Variants in TTC23 observed in about 807,000 individuals in gnomAD.
The protein encoded by TTC23 is tetratricopeptide repeat protein 23.
A neutral mutation model predicts 55.1 loss-of-function variants in TTC23; 58 were observed. The observed-to-expected ratio is 1.05, with a 90% CI of 0.85 to 1.31. The LOEUF (loss-of-function observed/expected upper bound fraction) is 1.31, where lower values mean the gene tolerates loss of function less well. TTC23 is among the 50% of genes most tolerant of loss of function. TTC23 has a pLI of 0.00. For synonymous variants in TTC23, 203 were observed against 199.9 expected, an observed-to-expected ratio of 1.02 and a Z score of -0.13; for missense variants, 516 against 534.4, an observed-to-expected ratio of 0.97 and a Z score of 0.34.
chr15:99,231,487 G>A (rs2078928947), intron 4 of TTC23, among the ~76,000 whole-genome samples: 1 of 152,056 alleles, frequency 6.6e-6, no homozygotes, highest in South Asian at 2.1e-4. Context: ...GTGTGTGTTT[G>A]TGTCTTAATT....
chr15:99,143,482 A>G (rs1159463767), intron 12 of TTC23, among the ~76,000 whole-genome samples: 1 of 152,230 alleles, frequency 6.6e-6, no homozygotes, highest in African/African-American at 2.4e-5. Flanking sequence ...ATTCTCCACC[A>G]TAAATAAAGA....
chr15:99,167,741 C>T (rs573148645), intron 10 of TTC23, among the ~76,000 whole-genome samples: 2 of 152,298 alleles, frequency 1.3e-5, no homozygotes, highest in South Asian at 2.1e-4. Context: ...AGTAACCCTG[C>T]GTTCATTTTC....
rs540730187 is a variant in TTC23, at chr15:99,245,391, G to C, written c.-311C>G. The C allele has an allele frequency of 2.0e-5, 3 of 152,332 alleles. No homozygotes were observed. Among genetic ancestry groups the C allele is most frequent in the Non-Finnish European group, 2.9e-5 (2 of 68,236 alleles). The allele number at this position is 152,332 out of a possible 1,614,324, so 9.4% of individuals were successfully genotyped here. On this transcript the variant is annotated splice_region_variant and 5_prime_UTR_variant, in exon 2 of 14. Coordinates refer to ENST00000394132, the MANE Select transcript of TTC23 (RefSeq NM_001288615.3). ...TAGCCAGATTTGGTGATAAGTACCT[G>C]TAATTCCAGCTACTCGAGAGGCTGA...
chr15:99,201,432 T>A (rs2076188404), intron 8 of TTC23, among the ~76,000 whole-genome samples: 1 of 152,166 alleles, frequency 6.6e-6, no homozygotes, highest in African/African-American at 2.4e-5. Flanking sequence ...CAAAAGGCCT[T>A]GTGATTCCCA....
intron 2 of TTC23, among the ~76,000 whole-genome samples, chr15:99,243,943 T>G (rs1387849749): frequency 6.6e-6 from 1 of 152,120 alleles, no homozygotes; most frequent in African/African-American, 2.4e-5. Context: ...CAACAATAAG[T>G]TATTGTATAT....
rs1395474207 is a variant in TTC23, at chr15:99,228,646, T to G, written c.67A>C (p.Thr23Pro). The change falls in exon 5 of 14, where the codon ACT (threonine) becomes CCT (proline). Residue 23 changes from threonine to proline, a missense_variant. Coordinates refer to ENST00000394132, the MANE Select transcript of TTC23 (RefSeq NM_001288615.3). ...LDEVVAAVSI[T>P]HRKKFQNKLL... ...TTGTTTTGGAACTTCTTTCTATGAG[T>G]GATGCTAACAGCAGCAACAACTTCA... 1 of 1,613,714 alleles carries G rather than the reference T, an allele frequency of 6.2e-7. No individual in the cohort carries two copies. The highest frequency in any genetic ancestry group is 2.2e-5 in the East Asian group (1 of 44,878).
At chr15:99,156,671 G>A (rs768619736) in intron 11 of TTC23, among the ~76,000 whole-genome samples, 5 of 152,098 alleles carry the variant, frequency 3.3e-5, no homozygotes, top group Admixed American at 1.3e-4. Context: ...GGGGGTAACC[G>A]CACCCATGGT....
chr15:99,240,419 A>T (rs1053617870), intron 3 of TTC23, among the ~76,000 whole-genome samples: 76 of 152,226 alleles, frequency 5.0e-4, no homozygotes, highest in Admixed American at 2.0e-4. Context: ...GTTAAAAAAA[A>T]TTGAGCCATC....
intron 10 of TTC23, among the ~76,000 whole-genome samples, chr15:99,172,332 A>C (rs1282137557): frequency 6.6e-6 from 1 of 152,100 alleles, no homozygotes; most frequent in Non-Finnish European, 1.5e-5. Flanking sequence ...TTCTGAGTGC[A>C]TGTCACCGAA....
At chr15:99,180,980 T>C (rs973397283) in intron 9 of TTC23, among the ~76,000 whole-genome samples, 59 of 152,204 alleles carry the variant, frequency 3.9e-4, no homozygotes, top group Non-Finnish European at 7.8e-4. Context: ...ATTAAGCACC[T>C]TCTTCTGCCA....
chr15:99,164,948 G>A (rs940427861), intron 10 of TTC23, among the ~76,000 whole-genome samples: 13 of 152,172 alleles, frequency 8.5e-5, no homozygotes. Flanking sequence ...GCCCCTTACA[G>A]CTGTGTGCCT....
At chr15:99,199,179 A>G (rs1399444456) in intron 9 of TTC23, among the ~76,000 whole-genome samples, 1 of 152,166 alleles carries the variant, frequency 6.6e-6, no homozygotes, top group Non-Finnish European at 1.5e-5. Flanking sequence ...TGAGGCTTCT[A>G]GAAGAAACTC....
intron 9 of TTC23, among the ~76,000 whole-genome samples, chr15:99,178,917 C>T (rs967520136): frequency 5.3e-5 from 8 of 152,030 alleles, no homozygotes; most frequent in Non-Finnish European, 1.0e-4. Context: ...GGGAAATGAG[C>T]GGTGGGTTTC....
At position 99,156,119 on chromosome 15, in the gene TTC23, T is replaced by A. The variant is rs761355684; in HGVS notation, c.1143+29A>T. ...CTTGGAGAGGGGAGGGAGAGCCTAGTCTCGTGTTAGTACTGGTTCCAGCTT... is the reference window on the plus strand; with the variant it reads ...CTTGGAGAGGGGAGGGAGAGCCTAGACTCGTGTTAGTACTGGTTCCAGCTT... On this transcript the variant is annotated intron_variant, in intron 12 of 13. Transcript: ENST00000394132. 6 of 1,613,816 alleles carry A rather than the reference T, an allele frequency of 3.7e-6. No homozygotes were observed. The South Asian group carries it at 6.6e-5, about 18-fold the overall frequency.
intron 12 of TTC23, among the ~76,000 whole-genome samples, chr15:99,142,646 A>G (rs1370053215): frequency 1.3e-5 from 2 of 152,188 alleles, no homozygotes; most frequent in Non-Finnish European, 2.9e-5. Flanking sequence ...TGGTGACTGA[A>G]GCTGCTGCTC....
chr15:99,141,269 A>C (rs897281319), intron 12 of TTC23, among the ~76,000 whole-genome samples: 1 of 152,174 alleles, frequency 6.6e-6, no homozygotes, highest in Non-Finnish European at 1.5e-5. Flanking sequence ...ATAACCACAT[A>C]GATGAATCTC....
chr15:99,186,709 T>C (rs2074698750), intron 9 of TTC23, among the ~76,000 whole-genome samples: 1 of 151,986 alleles, frequency 6.6e-6, no homozygotes, highest in Non-Finnish European at 1.5e-5. Flanking sequence ...TGTAATAGCA[T>C]GAAAAATAAT....
At chr15:99,218,778 T>C in intron 7 of TTC23, 65 bp from the exon 8 acceptor site, 2 of 1,606,846 alleles carry the variant, frequency 1.2e-6, no homozygotes, top group South Asian at 1.1e-5. Context: ...CTGAACTTCC[T>C]TGGCTCCCAT....
chr15:99,206,621 T>C (rs569925374), intron 8 of TTC23, among the ~76,000 whole-genome samples: 29 of 152,320 alleles, frequency 1.9e-4, no homozygotes, highest in African/African-American at 7.0e-4. Context: ...TAATAGTCTC[T>C]AATGATCCTT....
Sources: gnomAD v4.1 joint callset for allele counts (sites outside exome capture counted in the v4.1 genomes callset) on GRCh38, gnomAD v4.1.1 for gene constraint, MANE v1.5 for transcripts, NCBI Gene and HGNC (gene_info 2026-07-23, HGNC 2026-07-21) for gene names.